Variants in CCSER1 observed in about 807,000 individuals in gnomAD.
CCSER1 encodes serine-rich coiled-coil domain-containing protein 1.
In CCSER1, 41 loss-of-function variants were observed where a neutral mutation model predicts 82.0. That is an observed-to-expected ratio of 0.50 (90% CI 0.39 to 0.65). The LOEUF (loss-of-function observed/expected upper bound fraction) is 0.65, where lower values mean the gene tolerates loss of function less well. CCSER1 is among the 30% of genes least tolerant of loss of function. The pLI, the probability that CCSER1 is intolerant of heterozygous loss-of-function variation, is 0.00. For missense variants in CCSER1, 1,119 were observed against 1,064.2 expected (o/e 1.05, Z -0.72); for synonymous variants, 414 against 383.9 (o/e 1.08, Z -0.92).
intron 10 of CCSER1, among the ~76,000 whole-genome samples, chr4:91,209,600 T>C (rs576174427): frequency 6.6e-6 from 1 of 152,082 alleles, no homozygotes; most frequent in South Asian, 2.1e-4. Context: ...GATGTGCAGC[T>C]GGATTTGGTT....
chr4:90,827,794 C>T (rs928641533), intron 8 of CCSER1, among the ~76,000 whole-genome samples: 4 of 152,136 alleles, frequency 2.6e-5, no homozygotes, highest in Admixed American at 6.5e-5. Flanking sequence ...AATCTGACAA[C>T]GGGCAGATTA....
intron 10 of CCSER1, among the ~76,000 whole-genome samples, chr4:91,585,353 C>CT (rs1216597905): frequency 6.6e-6 from 1 of 151,326 alleles, no homozygotes; most frequent in Non-Finnish European, 1.5e-5. Flanking sequence ...CAATCCCTTC[C>CT]TTTTTTCACT....
chr4:90,644,903 G>A (rs1007074047), intron 6 of CCSER1, among the ~76,000 whole-genome samples: 3 of 149,510 alleles, frequency 2.0e-5, no homozygotes, highest in African/African-American at 7.4e-5. Context: ...CCAATATGAT[G>A]AAACCCCATC....
chr4:90,414,462 TC>T (rs1405942111), intron 4 of CCSER1, among the ~76,000 whole-genome samples: 1 of 152,124 alleles, frequency 6.6e-6, no homozygotes, highest in African/African-American at 2.4e-5. Context: ...TTATTGTTTC[TC>T]CTTTAAATAA....
At chr4:91,049,005 T>C (rs933174903) in intron 9 of CCSER1, among the ~76,000 whole-genome samples, 3 of 152,164 alleles carry the variant, frequency 2.0e-5, no homozygotes, top group Non-Finnish European at 4.4e-5. Context: ...TTAAGGCTTT[T>C]AACATACTTA....
chr4:90,246,618 G>T (rs1469461308), intron 1 of CCSER1, among the ~76,000 whole-genome samples: 1 of 151,992 alleles, frequency 6.6e-6, no homozygotes, highest in Non-Finnish European at 1.5e-5. Flanking sequence ...CTATTTCACT[G>T]CTGGGTACAG....
chr4:91,078,079 C>T (rs1425100961), intron 9 of CCSER1, among the ~76,000 whole-genome samples: 1 of 152,200 alleles, frequency 6.6e-6, no homozygotes. Flanking sequence ...TGTCTGGCGG[C>T]TTTGAAGAGA....
At chr4:90,206,327 G>A (rs1434174761) in intron 1 of CCSER1, among the ~76,000 whole-genome samples, 1 of 152,054 alleles carries the variant, frequency 6.6e-6, no homozygotes, top group Non-Finnish European at 1.5e-5. Context: ...TGTCTCCTGT[G>A]GGCATTTACT....
chr4:91,010,136 T>C (rs572847079), intron 9 of CCSER1, among the ~76,000 whole-genome samples: 6 of 152,310 alleles, frequency 3.9e-5, no homozygotes, highest in African/African-American at 1.4e-4. Flanking sequence ...CTATTTCTCC[T>C]TCATTTCTTA....
At chr4:91,123,576 C>A (rs532974488) in intron 10 of CCSER1, among the ~76,000 whole-genome samples, 11 of 151,812 alleles carry the variant, frequency 7.2e-5, no homozygotes, top group African/African-American at 2.6e-4. Context: ...AATATTTCTC[C>A]ATTTTGTAAA....
chr4:91,258,238 C>T (rs76761118), intron 10 of CCSER1, among the ~76,000 whole-genome samples: 3,028 of 152,104 alleles, frequency 0.02, 100 homozygotes, highest in African/African-American at 0.066. Context: ...AGGTAGACTA[C>T]ACACAAAATT....
At chr4:90,634,481 A>G (rs574465889) in intron 6 of CCSER1, among the ~76,000 whole-genome samples, 43 of 151,940 alleles carry the variant, frequency 2.8e-4, no homozygotes, top group African/African-American at 9.4e-4. Context: ...ACATTATAAA[A>G]TTTACAGTGT....
intron 10 of CCSER1, among the ~76,000 whole-genome samples, chr4:91,153,149 A>G (rs1225669835): frequency 6.6e-6 from 1 of 151,944 alleles, no homozygotes; most frequent in African/African-American, 2.4e-5. Context: ...AGATATACCA[A>G]TCAGATGTAG....
At chr4:90,552,038 A>G (rs929298240) in intron 5 of CCSER1, among the ~76,000 whole-genome samples, 12 of 152,110 alleles carry the variant, frequency 7.9e-5, no homozygotes, top group Non-Finnish European at 4.4e-5. Flanking sequence ...GGCAGAAGGG[A>G]AAGGGAGCTG....
rs182628562 is a variant in CCSER1, at chr4:90,151,092, G to T, written c.-42+23261G>T. On this transcript the variant is annotated intron_variant, in intron 1 of 10. Transcript: ENST00000509176. ...GAGAATATGAAAGATTTAAAGAAAA[G>T]CTGTCAAAGCAATTAGAACTAAAGT... 2.1e-4 allele frequency among the ~76,000 whole-genome samples: 32 copies of T among 152,138 alleles called. No individual in the cohort carries two copies. The East Asian group carries it at 6.2e-3, about 29-fold the overall frequency.
intron 1 of CCSER1, among the ~76,000 whole-genome samples, chr4:90,194,109 G>T (rs1016522254): frequency 6.6e-5 from 10 of 152,050 alleles, no homozygotes; most frequent in African/African-American, 2.4e-4. Flanking sequence ...GACAAGAGCT[G>T]CCTGATTACT....
intron 9 of CCSER1, among the ~76,000 whole-genome samples, chr4:91,033,954 A>G (rs147700432): frequency 5.9e-5 from 9 of 152,328 alleles, no homozygotes; most frequent in Admixed American, 3.9e-4. Context: ...TTGTATAAAT[A>G]CCAACAAGGC....
At chr4:90,536,783 T>C (rs1343482795) in intron 5 of CCSER1, among the ~76,000 whole-genome samples, 2 of 152,232 alleles carry the variant, frequency 1.3e-5, no homozygotes, top group Non-Finnish European at 2.9e-5. Flanking sequence ...TTTGATGGAA[T>C]GAGGAAAATT....
chr4:91,058,872 A>G (rs1581445193), intron 9 of CCSER1, among the ~76,000 whole-genome samples: 1 of 152,052 alleles, frequency 6.6e-6, no homozygotes, highest in African/African-American at 2.4e-5. Context: ...ATATTTAACC[A>G]GTATGAATTA....
Sources: gnomAD v4.1 joint callset for allele counts (sites outside exome capture counted in the v4.1 genomes callset) on GRCh38, gnomAD v4.1.1 for gene constraint, MANE v1.5 for transcripts, NCBI Gene and HGNC (gene_info 2026-07-23, HGNC 2026-07-21) for gene names.